The following NOS3 variants were observed in gnomAD, a reference collection of about 807,000 sequenced individuals.
NOS3 encodes the protein NOS type III.
In NOS3, 98 loss-of-function variants were observed where a neutral mutation model predicts 144.9. The ratio of observed to expected loss-of-function variants is 0.68; its 90% CI spans 0.57 to 0.80. The LOEUF is 0.80. Among genes scored for constraint, NOS3 ranks in the 30% least tolerant of loss-of-function variants. NOS3 has a pLI of 0.00. For synonymous variants in NOS3, 714 were observed against 702.4 expected (o/e 1.02, Z -0.26); for missense variants, 1,465 against 1,656.4 (o/e 0.88, Z 2.01).
chr7:150,997,985 C>T (rs1377008532), intron 5 of NOS3, among the ~76,000 whole-genome samples: 2 of 152,200 alleles, frequency 1.3e-5, no homozygotes, highest in Non-Finnish European at 2.9e-5. Context: ...ATCACCCGTC[C>T]TTTCTTGAAT....
At chr7:151,010,849 G>C in intron 22 of NOS3, 42 bp downstream of exon 22, 1 of 1,606,904 alleles carries the variant, frequency 6.2e-7, no homozygotes, top group Non-Finnish European at 8.5e-7. Context: ...CAGCAGGGTT[G>C]GGACCGGCCC....
chr7:151,013,950 G>C (rs1331618412), intron 26 of NOS3, 32 bp downstream of exon 26: 8 of 1,603,492 alleles, frequency 5.0e-6, no homozygotes, highest in Non-Finnish European at 6.8e-6. Context: ...CTGAGCGTGC[G>C]GGGTTCCTGC....
At chr7:150,994,762 G>T (rs536736279) in intron 2 of NOS3, among the ~76,000 whole-genome samples, 54 of 152,286 alleles carry the variant, frequency 3.5e-4, no homozygotes, top group African/African-American at 1.3e-3. Context: ...TAAGGCCTGC[G>T]AGGCTTCCCT....
rs1450752209 is a variant in NOS3, at chr7:151,007,223, G to C, written c.2059G>C (p.Glu687Gln). 2 of 1,609,830 alleles carry C rather than the reference G, an allele frequency of 1.2e-6. No homozygotes were observed. The highest frequency in any genetic ancestry group is 1.7e-5 in the Admixed American group (1 of 59,984). ...GCTGCTGCAGCTGGGCCAGGGCGAC[G>C]AGCTGTGCGGCCAGGAGGAGGCCTT... ...ERLLQLGQGD[E>Q]LCGQEEAFRG... The change falls in exon 17 of 27, where the codon GAG becomes CAG. Residue 687 changes from glutamate to glutamine, a missense_variant. Physicochemically the swap from Glu to Gln is conservative, Grantham distance 29. Around this residue, in one of 5 missense-constraint regions of NOS3, gnomAD observed 745 missense variants for 853.9 expected, o/e 0.87. Coordinates refer to ENST00000297494, the MANE Select transcript of NOS3 (RefSeq NM_000603.5).
intron 17 of NOS3, 139 bp from the exon 18 acceptor site, chr7:151,008,790 AG>A (rs1331187179): frequency 2.1e-6 from 2 of 948,018 alleles, no homozygotes; most frequent in African/African-American, 3.3e-5. Flanking sequence ...CTGGCGGAAA[AG>A]GTGCTGTCCT....
Position 150,993,986 on chromosome 7 carries a change from GGT to G in NOS3, c.158+27_158+28del. The G allele has an allele frequency of 3.2e-6, 5 of 1,543,558 alleles. No homozygotes were observed. The highest frequency in any genetic ancestry group is 3.5e-6 in the Non-Finnish European group (4 of 1,149,028). On this transcript the variant is annotated intron_variant, in intron 2 of 26. Transcript: ENST00000297494. This position sits in a 1 kb window ranked among gnomAD's most constrained non-coding sequence, Gnocchi z 4.0. The stretch of plus-strand genomic sequence containing the variant: ...GGTAAGGGCCAGGCAGCTAGGAGCA[GGT>G]GGGCAACAAGGGTGGTGTCAAGGCC...
In NOS3 at chr7:151,010,998, GGAA is replaced by G. The variant is rs780589706; in HGVS notation, c.2984+15_2984+17del. ...TGCTTCATCCGGGGGTAAGTGAGAT[GGAA>G]GACTTGGTGGGGAGCTGCCCAGGGT... On this transcript the variant is annotated intron_variant, in intron 23 of 26. Coordinates refer to ENST00000297494, the MANE Select transcript of NOS3 (RefSeq NM_000603.5). 25 of 1,604,786 alleles carry G rather than the reference GGAA, an allele frequency of 1.6e-5. No individual in the cohort carries two copies. Among genetic ancestry groups the G allele is most frequent in the Non-Finnish European group, 2.0e-5 (24 of 1,172,730 alleles).
chr7:150,996,949 GACCCGGGCGCT>G (rs1449820395), intron 5 of NOS3, 24 bp downstream of exon 5: 1 of 1,544,878 alleles, frequency 6.5e-7, no homozygotes. Flanking sequence ...GCGACTGAGA[GACCCGGGCGCT>G]ACCAAAAGGG....
rs534023489 is a variant in NOS3 at position 150,993,274 on chromosome 7, A to C, written c.-51-479A>C. 7.9e-5 allele frequency among the ~76,000 whole-genome samples: 12 copies of C among 152,262 alleles called. No individual in the cohort carries two copies. The South Asian group carries it at 2.3e-3, about 29-fold the overall frequency. On this transcript the variant is annotated intron_variant, in intron 1 of 26. Transcript: ENST00000297494. The surrounding 1 kb of genome is among the most constrained non-coding windows in gnomAD (Gnocchi z 4.0). Reference sequence around the variant, plus strand: ...AGGGTGGGGATCCAGGAGTTCTTGTATGTATGGGGGGAGGTGAAGGAGAGA... The same window carrying C: ...AGGGTGGGGATCCAGGAGTTCTTGTCTGTATGGGGGGAGGTGAAGGAGAGA...
At position 150,993,251 on chromosome 7, in the gene NOS3, G is replaced by T. The variant is rs762938578; in HGVS notation, c.-51-502G>T. Among the ~76,000 whole-genome samples, 1 of 152,178 alleles carries T rather than the reference G, an allele frequency of 6.6e-6. No individual in the cohort carries two copies. The highest frequency in any genetic ancestry group is 2.4e-5 in the African/African-American group (1 of 41,434). ...CCCCAAGAACCCAAAAGGACTCAAG[G>T]GTGGGGATCCAGGAGTTCTTGTATG... On this transcript the variant is annotated intron_variant, in intron 1 of 26. Coordinates refer to ENST00000297494, the MANE Select transcript of NOS3 (RefSeq NM_000603.5). The surrounding 1 kb of genome is among the most constrained non-coding windows in gnomAD (Gnocchi z 4.0).
chr7:150,993,820 GC>G lies in NOS3; in HGVS notation c.18del (p.Ser6ArgfsTer54). 1.3e-6 allele frequency: 2 copies of G among 1,597,762 alleles called. No individual in the cohort carries two copies. Among genetic ancestry groups the G allele is most frequent in the Non-Finnish European group, 1.7e-6 (2 of 1,175,750 alleles). On this transcript the variant is annotated frameshift_variant, in exon 2 of 27. Coordinates refer to ENST00000297494, the MANE Select transcript of NOS3 (RefSeq NM_000603.5). LOFTEE classifies it high-confidence loss of function. The surrounding 1 kb of genome is among the most constrained non-coding windows in gnomAD (Gnocchi z 4.0). ...CACAGTAACATGGGCAACTTGAAGAGCGTGGCCCAGGAGCCTGGGCCACCCT... is the reference window on the plus strand; with the variant it reads ...CACAGTAACATGGGCAACTTGAAGAGGTGGCCCAGGAGCCTGGGCCACCCT... MGNLK[S>X]VAQEPGPPCG... is the part of the protein sequence containing the mutation.
chr7:151,007,039 G>A (rs375280032), intron 16 of NOS3, 34 bp downstream of exon 16: 3 of 1,613,790 alleles, frequency 1.9e-6, no homozygotes, highest in East Asian at 2.2e-5. Flanking sequence ...GCAACGGGTG[G>A]GCAAGCTGCC....
rs200116564 is a variant in NOS3, at chr7:150,999,250, G to A, written c.1017G>A (p.Met339Ile). ...ACGCCCTCCCGGCAGTGTCCAACAT[G>A]CTGCTGGAAATTGGGGGCCTGGAGT... ...RWYALPAVSN[M>I]LLEIGGLEFP... Residue 339 changes from methionine to isoleucine, a missense_variant, in exon 9 of 27, where the codon ATG (methionine) becomes ATA (isoleucine). Transcript: ENST00000297494. The A allele has an allele frequency of 4.3e-6, 7 of 1,612,238 alleles. No homozygotes were observed. The highest frequency in any genetic ancestry group is 5.1e-6 in the Non-Finnish European group (6 of 1,179,776).
chr7:151,008,111 TC>T (rs3918194), intron 17 of NOS3, among the ~76,000 whole-genome samples: 1,720 of 152,150 alleles, frequency 0.011, 37 homozygotes, highest in African/African-American at 0.038. Context: ...TGAGACCACA[TC>T]ATCAGGTTTT....
chr7:151,006,848 C>CA, intron 15 of NOS3, 41 bp from the exon 16 acceptor site: 2 of 1,512,070 alleles, frequency 1.3e-6, no homozygotes. Flanking sequence ...CCTGTATCCC[C>CA]AGGGCCCTGT....
At chr7:151,004,983 G>T (rs3918182) in intron 14 of NOS3, among the ~76,000 whole-genome samples, 1 of 151,856 alleles carries the variant, frequency 6.6e-6, no homozygotes, top group Non-Finnish European at 1.5e-5. Flanking sequence ...TCAGCCTCCC[G>T]AGTAGCTGGG....
intron 21 of NOS3, 77 bp downstream of exon 21, chr7:151,010,364 C>T: frequency 7.2e-7 from 1 of 1,387,928 alleles, no homozygotes; most frequent in South Asian, 1.4e-5. Flanking sequence ...CAGGAAACCC[C>T]CATGCAAAGT....
Position 151,010,271 on chromosome 7 carries a change from T to C in NOS3, c.2669T>C (p.Leu890Pro), listed in dbSNP as rs771191823. ...LAEEPREQQELEALSQDPRRY... is the reference protein window; with the variant it reads ...LAEEPREQQEPEALSQDPRRY... ...GAAGAGCCCAGGGAACAGCAGGAGCTGGAGGCCCTCAGCCAGGTTGGGGGC... is the reference window on the plus strand; with the variant it reads ...GAAGAGCCCAGGGAACAGCAGGAGCCGGAGGCCCTCAGCCAGGTTGGGGGC... The change falls in exon 21 of 27, where the codon CTG becomes CCG. Residue 890 changes from leucine to proline, a missense_variant. Coordinates refer to ENST00000297494, the MANE Select transcript of NOS3 (RefSeq NM_000603.5). The C allele has an allele frequency of 6.2e-7, 1 of 1,612,750 alleles. No individual in the cohort carries two copies. The highest frequency in any genetic ancestry group is 1.1e-5 in the South Asian group (1 of 90,984).
Position 151,009,227 on chromosome 7 carries a change from A to G in NOS3, c.2284A>G (p.Thr762Ala), listed in dbSNP as rs1348422523. 1 of 1,613,548 alleles carries G rather than the reference A, an allele frequency of 6.2e-7. No homozygotes were observed. Among genetic ancestry groups the G allele is most frequent in the Non-Finnish European group, 8.5e-7 (1 of 1,179,844 alleles). ...GCACAGGCGGAAGATGTTCCAGGCT[A>G]CAATCCGCTCAGTGGAAAACCTGCA... The part of the protein sequence containing the change: ...HVHRRKMFQA[T>A]IRSVENLQSS... Residue 762 changes from threonine to alanine, a missense_variant, in exon 19 of 27, where the codon ACA becomes GCA. By Grantham distance (58) the Thr-to-Ala change is moderately conservative (BLOSUM62 0). Coordinates refer to ENST00000297494, the MANE Select transcript of NOS3 (RefSeq NM_000603.5).
Sources: allele counts gnomAD v4.1 joint callset (sites outside exome capture counted in the v4.1 genomes callset), GRCh38; gene constraint gnomAD v4.1.1; regional missense constraint gnomAD v4.1.1; non-coding constraint Gnocchi (gnomAD v3.1); transcripts MANE v1.5; gene names NCBI Gene and HGNC (gene_info 2026-07-23, HGNC 2026-07-21).